FBXL7: variants seen among roughly 807,000 people sequenced by gnomAD.
FBXL7 encodes F-box and leucine rich repeat protein 7.
Under a neutral mutation model 38.3 loss-of-function variants are expected in FBXL7, and 12 were observed. The ratio of observed to expected loss-of-function variants is 0.31; its 90% confidence interval spans 0.20 to 0.51. The LOEUF is 0.51. FBXL7 is among the 20% of genes least tolerant of loss of function. FBXL7 has a pLI of 0.98. For missense variants in FBXL7, 567 were observed against 676.4 expected, an observed-to-expected ratio of 0.84 and a Z score of 1.79; for synonymous variants, 297 against 300.9, an observed-to-expected ratio of 0.99 and a Z score of 0.13.
intron 2 of FBXL7, among the ~76,000 whole-genome samples, chr5:15,895,261 CCT>C (rs200544301): frequency 0.02 from 3,009 of 152,114 alleles, 38 homozygotes; most frequent in Non-Finnish European, 0.033. Context: ...AATCATTTTT[CCT>C]CTTTTTGATA....
intron 1 of FBXL7, among the ~76,000 whole-genome samples, chr5:15,568,831 A>G (rs968221302): frequency 2.0e-5 from 3 of 152,112 alleles, no homozygotes; most frequent in Non-Finnish European, 2.9e-5. Context: ...TCCCAGCACC[A>G]TTTATTAAAT....
rs73752362 is a variant in FBXL7 at position 15,892,695 on chromosome 5, G to A, written c.128-35195G>A. ...ATTCAGACAGTTCCTCAGCTCAAGCGAAGGAGAAAGGGAATGCAGTGTGCC... is the reference window on the plus strand; with the variant it reads ...ATTCAGACAGTTCCTCAGCTCAAGCAAAGGAGAAAGGGAATGCAGTGTGCC... On this transcript the variant is annotated intron_variant, in intron 2 of 3. Transcript: ENST00000504595. Among the ~76,000 whole-genome samples the A allele has an allele frequency of 7.4e-3, 1,121 of 152,318 alleles. 19 individuals carry two copies. Among genetic ancestry groups the A allele is most frequent in the African/African-American group, 0.025 (1,040 of 41,566 alleles).
chr5:15,856,693 A>C (rs1374927562), intron 2 of FBXL7, among the ~76,000 whole-genome samples: 1 of 152,066 alleles, frequency 6.6e-6, no homozygotes, highest in Non-Finnish European at 1.5e-5. Context: ...TAAGATACAC[A>C]TGTATTTTTT....
intron 2 of FBXL7, among the ~76,000 whole-genome samples, chr5:15,808,545 C>T (rs1009077788): frequency 2.6e-5 from 4 of 152,242 alleles, no homozygotes; most frequent in African/African-American, 9.6e-5. Flanking sequence ...TTTTTGAGTA[C>T]CTAGTAGAGT....
chr5:15,937,121 C>G lies in FBXL7; in HGVS notation c.1411C>G (p.Leu471Val), dbSNP rs558257689. 1 of 1,612,374 alleles carries G rather than the reference C, an allele frequency of 6.2e-7. No individual in the cohort carries two copies. Among genetic ancestry groups the G allele is most frequent in the Non-Finnish European group, 8.5e-7 (1 of 1,178,902 alleles). ...VQDCEVSVEA[L>V]RFVKRHCKRC... ...GGACTGCGAGGTCTCCGTGGAGGCC[C>G]TGCGCTTTGTCAAACGCCACTGCAA... The change falls in exon 4 of 4, where the codon CTG becomes GTG. Residue 471 changes from leucine (L) to valine (V), a missense_variant. Coordinates refer to ENST00000504595, the MANE Select transcript of FBXL7 (RefSeq NM_012304.5).
At chr5:15,722,890 T>TC (rs1744238609) in intron 2 of FBXL7, among the ~76,000 whole-genome samples, 1 of 144,274 alleles carries the variant, frequency 6.9e-6, no homozygotes, top group Non-Finnish European at 1.5e-5. Flanking sequence ...GCCACTACAC[T>TC]CCAGCCTGCT....
intron 2 of FBXL7, among the ~76,000 whole-genome samples, chr5:15,885,387 T>G (rs1444073188): frequency 1.3e-5 from 2 of 152,286 alleles, no homozygotes; most frequent in African/African-American, 2.4e-5. Context: ...ATCTTACCAC[T>G]TTTTCCAAAT....
intron 2 of FBXL7, among the ~76,000 whole-genome samples, chr5:15,662,087 A>C (rs1742098430): frequency 6.6e-6 from 1 of 152,212 alleles, no homozygotes; most frequent in Admixed American, 6.5e-5. Flanking sequence ...TTCTGCTTTT[A>C]GGAATCGCCA....
In FBXL7 at chr5:15,565,859, G is replaced by A. The variant is rs543585612; in HGVS notation, c.38-50124G>A. ...TTCCGGCCTTCAACTAATTGGATGA[G>A]GGTGACCCATATGAGGGAGGACAAT... On this transcript the variant is annotated intron_variant, in intron 1 of 3. Transcript: ENST00000504595. Among the ~76,000 whole-genome samples the A allele has an allele frequency of 1.8e-4, 28 of 152,192 alleles. No homozygotes were observed. The South Asian group carries it at 4.6e-3, about 25-fold the overall frequency.
At chr5:15,584,194 A>C (rs1022090270) in intron 1 of FBXL7, among the ~76,000 whole-genome samples, 1 of 152,180 alleles carries the variant, frequency 6.6e-6, no homozygotes, top group Non-Finnish European at 1.5e-5. Flanking sequence ...CTAGTCCTCC[A>C]GGCCTGTGAT....
At chr5:15,815,277 G>A (rs950696861) in intron 2 of FBXL7, among the ~76,000 whole-genome samples, 1 of 152,122 alleles carries the variant, frequency 6.6e-6, no homozygotes, top group African/African-American at 2.4e-5. Context: ...GCTTCTTGGA[G>A]GCAAGGAAAC....
At chr5:15,824,661 G>A (rs1738262746) in intron 2 of FBXL7, among the ~76,000 whole-genome samples, 1 of 152,098 alleles carries the variant, frequency 6.6e-6, no homozygotes, top group African/African-American at 2.4e-5. Flanking sequence ...TCTTTTTCAT[G>A]GAAGACAAAC....
At chr5:15,714,219 T>C (rs948062329) in intron 2 of FBXL7, among the ~76,000 whole-genome samples, 1 of 152,186 alleles carries the variant, frequency 6.6e-6, no homozygotes, top group Non-Finnish European at 1.5e-5. Flanking sequence ...CTTCTTGCTG[T>C]TCTCCTAATA....
chr5:15,619,864 G>A (rs746123476), intron 2 of FBXL7, among the ~76,000 whole-genome samples: 1 of 152,178 alleles, frequency 6.6e-6, no homozygotes, highest in African/African-American at 2.4e-5. Context: ...GTGTATGTAT[G>A]TGTGCATTTG....
intron 2 of FBXL7, among the ~76,000 whole-genome samples, chr5:15,845,666 C>T (rs969389789): frequency 6.6e-6 from 1 of 152,050 alleles, no homozygotes; most frequent in African/African-American, 2.4e-5. Flanking sequence ...TTATTTATTA[C>T]AAAATTGAAT....
At chr5:15,787,752 G>T (rs1737168174) in intron 2 of FBXL7, among the ~76,000 whole-genome samples, 1 of 152,116 alleles carries the variant, frequency 6.6e-6, no homozygotes, top group African/African-American at 2.4e-5. Flanking sequence ...TAATTTCAGG[G>T]ATGTTCTGAA....
intron 2 of FBXL7, among the ~76,000 whole-genome samples, chr5:15,677,525 A>AGGAG (rs1237532236): frequency 6.6e-6 from 1 of 151,586 alleles, no homozygotes; most frequent in African/African-American, 2.4e-5. Context: ...GAAGGAGAAA[A>AGGAG]GGAGGGAGGG....
At chr5:15,733,211 C>A (rs1579417273) in intron 2 of FBXL7, among the ~76,000 whole-genome samples, 1 of 152,028 alleles carries the variant, frequency 6.6e-6, no homozygotes, top group South Asian at 2.1e-4. Context: ...ATCTGCCTCA[C>A]CCTCCCGAGT....
chr5:15,919,890 G>T (rs1741694453), intron 2 of FBXL7, among the ~76,000 whole-genome samples: 1 of 152,188 alleles, frequency 6.6e-6, no homozygotes, highest in African/African-American at 2.4e-5. Context: ...ACATAGGAAA[G>T]AAATTAGAGA....
Sources: gnomAD v4.1 joint callset for allele counts (sites outside exome capture counted in the v4.1 genomes callset) on GRCh38, gnomAD v4.1.1 for gene constraint, MANE v1.5 for transcripts, NCBI Gene and HGNC (gene_info 2026-07-23, HGNC 2026-07-21) for gene names.